The following HLTF variants were observed in gnomAD, a reference collection of about 807,000 sequenced individuals.
HLTF encodes the protein helicase like transcription factor.
Under a neutral mutation model 129.4 loss-of-function variants are expected in HLTF, and 127 were observed. The observed-to-expected ratio is 0.98, with a 90% CI of 0.85 to 1.14. The LOEUF (loss-of-function observed/expected upper bound fraction) is 1.14, where lower values mean the gene tolerates loss of function less well. HLTF is among the 50% of genes most tolerant of loss of function. The pLI is 0.00. For synonymous variants in HLTF, 332 were observed against 388.8 expected (o/e 0.85, Z 1.72); for missense variants, 1,139 against 1,187.1 (o/e 0.96, Z 0.60).
In HLTF at chr3:149,086,218, T is replaced by C. The variant is rs1576636459; in HGVS notation, c.20+99A>G. On this transcript the variant is annotated intron_variant, in intron 1 of 24. Coordinates refer to ENST00000310053, the MANE Select transcript of HLTF (RefSeq NM_003071.4). ...AACAGAACGAATACAGCTGCACAAA[T>C]CGCCCAGGGAACGCAGAGGAACGCG... The C allele has an allele frequency of 6.5e-6, 8 of 1,237,230 alleles. No individual in the cohort carries two copies. In the East Asian group the frequency reaches 2.0e-4, roughly 31 times the overall value. The allele number at this position is 1,237,230 out of a possible 1,614,324, so 76.6% of individuals were successfully genotyped here.
At chr3:149,034,475 G>C (rs1056777688) in intron 24 of HLTF, among the ~76,000 whole-genome samples, 1 of 152,120 alleles carries the variant, frequency 6.6e-6, no homozygotes, top group African/African-American at 2.4e-5. Flanking sequence ...TTCAGTTTAA[G>C]ATGATGAAAA....
In HLTF at chr3:149,064,896, T is replaced by C. The variant is rs771051727; in HGVS notation, c.991-30A>G. 1.0e-4 allele frequency: 128 copies of C among 1,250,534 alleles called. No homozygotes were observed. In the South Asian group the frequency reaches 1.5e-3, roughly 15 times the overall value. 77.5% of individuals were successfully genotyped at this position (1,250,534 alleles called of 1,614,324 possible). ...GTAAATAGGCATATTTCTTAAACAGTACTGCTATCAGTTTTAAATAACTTT... is the reference window on the plus strand; with the variant it reads ...GTAAATAGGCATATTTCTTAAACAGCACTGCTATCAGTTTTAAATAACTTT... On this transcript the variant is annotated intron_variant, in intron 8 of 24. Transcript: ENST00000310053.
At position 149,042,243 on chromosome 3, in the gene HLTF, C is replaced by A. The variant is rs759686520; in HGVS notation, c.2120G>T (p.Gly707Val). 10 of 1,612,764 alleles carry A rather than the reference C, an allele frequency of 6.2e-6. No individual in the cohort carries two copies. In the East Asian group the frequency reaches 2.2e-4, roughly 36 times the overall value. ...TVLAHYADVL[G>V]LLLRLRQICC... is the part of the protein sequence containing the mutation. ...AATTTGCCGCAGTCTAAGCAAAAGA[C>A]CCAGGACATCTGCATAATGTGCCAG... The change falls in exon 19 of 25, where the codon GGT (glycine) becomes GTT (valine). Residue 707 changes from glycine to valine, a missense_variant. Gly to Val is a moderately radical substitution (Grantham distance 109, BLOSUM62 -3). Coordinates refer to ENST00000310053, the MANE Select transcript of HLTF (RefSeq NM_003071.4).
intron 2 of HLTF, among the ~76,000 whole-genome samples, chr3:149,082,209 A>G (rs577899381): frequency 1.3e-5 from 2 of 152,238 alleles, no homozygotes; most frequent in African/African-American, 4.8e-5. Context: ...CTGTAATCCC[A>G]GCACTTTGGG....
intron 17 of HLTF, 65 bp from the exon 18 acceptor site, chr3:149,046,324 C>T (rs958037724): frequency 1.1e-4 from 90 of 850,822 alleles, no homozygotes; most frequent in East Asian, 1.8e-4. Flanking sequence ...CCAAGAAGAA[C>T]GAAACAGAAC....
rs140074102 is a variant in HLTF, at chr3:149,035,095, T to C, written c.2797-97A>G. ...TCACTAGTATTCATTCATCTTTTTC[T>C]GACTGAAAGTTTTCTGCCTGAAGTC... On this transcript the variant is annotated intron_variant, in intron 23 of 24. Transcript: ENST00000310053. The C allele has an allele frequency of 1.6e-4, 146 of 924,862 alleles. No homozygotes were observed. In the East Asian group the frequency reaches 3.5e-3, roughly 22 times the overall value. The allele number at this position is 924,862 out of a possible 1,614,324, so 57.3% of individuals were successfully genotyped here.
At chr3:149,041,884 A>G (rs1576579055) in intron 19 of HLTF, 2 of 579,020 alleles carry the variant, frequency 3.5e-6, no homozygotes, top group East Asian at 2.8e-5. Flanking sequence ...AAGCATCATT[A>G]TAACATGACA....
At chr3:149,071,792 A>G in intron 5 of HLTF, 135 bp from the exon 6 acceptor site, 1 of 640,272 alleles carries the variant, frequency 1.6e-6, no homozygotes, top group Non-Finnish European at 2.7e-6. Context: ...CATGCCAATA[A>G]TCTCAGCACT....
At position 149,073,289 on chromosome 3, in the gene HLTF, G is replaced by GT. The variant is rs751514545; in HGVS notation, c.562_563insA (p.Ser188TyrfsTer9). 1.9e-6 allele frequency: 3 copies of GT among 1,612,992 alleles called. No individual in the cohort carries two copies. Among genetic ancestry groups the GT allele is most frequent in the Non-Finnish European group, 2.5e-6 (3 of 1,179,268 alleles). ...ACTATAGCTTGGTCCAGCTCTTCCA[G>GT]AGCCCCAACCACTTTCCAAATTGAA... On this transcript the variant is annotated frameshift_variant, in exon 5 of 25. Coordinates refer to ENST00000310053, the MANE Select transcript of HLTF (RefSeq NM_003071.4). LOFTEE classifies it high-confidence loss of function.
chr3:149,077,368 T>C (rs1216074616), intron 2 of HLTF, among the ~76,000 whole-genome samples: 1 of 152,074 alleles, frequency 6.6e-6, no homozygotes, highest in Non-Finnish European at 1.5e-5. Context: ...TACAGTTCTT[T>C]CAGAGATTCA....
intron 18 of HLTF, among the ~76,000 whole-genome samples, chr3:149,045,550 A>C (rs1247680457): frequency 6.6e-6 from 1 of 152,198 alleles, no homozygotes; most frequent in African/African-American, 2.4e-5. Flanking sequence ...TGCTGCTTAG[A>C]ACAATCTTTC....
chr3:149,082,658 C>A (rs868752390), intron 2 of HLTF, among the ~76,000 whole-genome samples: 5 of 151,912 alleles, frequency 3.3e-5, no homozygotes, highest in Non-Finnish European at 5.9e-5. Context: ...TTTTATCATA[C>A]GTAAACCACA....
chr3:149,056,861 G>A (rs1212896328), intron 13 of HLTF, among the ~76,000 whole-genome samples: 1 of 152,128 alleles, frequency 6.6e-6, no homozygotes, highest in African/African-American at 2.4e-5. Flanking sequence ...TGTAATCCCA[G>A]CACTTTGGGA....
chr3:149,068,338 T>TA lies in HLTF; in HGVS notation c.895-4dup. ...GCAATGGCCGTAAGAGTTTTACCCTTAAAAATGTTTTAAAAAGATAAATGG... is the reference window on the plus strand; with the variant it reads ...GCAATGGCCGTAAGAGTTTTACCCTTAAAAAATGTTTTAAAAAGATAAATGG... On this transcript the variant is annotated splice_polypyrimidine_tract_variant and splice_region_variant and intron_variant, in intron 7 of 24. Transcript: ENST00000310053. The TA allele has an allele frequency of 1.4e-6, 2 of 1,382,776 alleles. No homozygotes were observed. The highest frequency in any genetic ancestry group is 1.2e-5 in the South Asian group (1 of 81,430). 85.7% of individuals were successfully genotyped at this position (1,382,776 alleles called of 1,614,324 possible).
chr3:149,072,953 T>G (rs1719000517), intron 5 of HLTF, among the ~76,000 whole-genome samples: 1 of 152,204 alleles, frequency 6.6e-6, no homozygotes, highest in African/African-American at 2.4e-5. Context: ...TTAAAACATT[T>G]CAGATACAAA....
chr3:149,077,751 T>A (rs1331923744), intron 2 of HLTF, among the ~76,000 whole-genome samples: 1 of 151,804 alleles, frequency 6.6e-6, no homozygotes, highest in Non-Finnish European at 1.5e-5. Context: ...TTGCCTGAAC[T>A]TGAGCATTTA....
chr3:149,041,946 A>C, intron 19 of HLTF: 1 of 585,416 alleles, frequency 1.7e-6, no homozygotes, highest in South Asian at 2.3e-5. Flanking sequence ...TCTTTCATCA[A>C]AGGGTATCTA....
intron 2 of HLTF, among the ~76,000 whole-genome samples, chr3:149,079,968 G>A (rs920510851): frequency 6.6e-6 from 1 of 151,976 alleles, no homozygotes; most frequent in African/African-American, 2.4e-5. Context: ...GTTGTTAATT[G>A]TAATCCCTAA....
At chr3:149,061,286 C>T (rs1448405533) in intron 10 of HLTF, among the ~76,000 whole-genome samples, 2 of 152,004 alleles carry the variant, frequency 1.3e-5, no homozygotes, top group Non-Finnish European at 2.9e-5. Flanking sequence ...TGGTGGGTGC[C>T]TGTAGTCCCA....
Sources: gnomAD v4.1 joint callset for allele counts (sites outside exome capture counted in the v4.1 genomes callset) on GRCh38, gnomAD v4.1.1 for gene constraint, MANE v1.5 for transcripts, NCBI Gene and HGNC (gene_info 2026-07-23, HGNC 2026-07-21) for gene names.